SGCD: variants seen among roughly 807,000 people sequenced by gnomAD.
SGCD encodes the protein sarcoglycan delta.
Under a neutral mutation model 36.6 loss-of-function variants are expected in SGCD, and 18 were observed. The ratio of observed to expected loss-of-function variants is 0.49; its 90% CI spans 0.34 to 0.73. The LOEUF (loss-of-function observed/expected upper bound fraction) is 0.73, where lower values mean the gene tolerates loss of function less well. SGCD is among the 30% of genes least tolerant of loss of function. SGCD has a pLI of 0.01. For synonymous variants in SGCD, 133 were observed against 130.6 expected (o/e 1.02, Z -0.12); for missense variants, 387 against 346.7 (o/e 1.12, Z -0.92).
chr5:156,695,080 G>A (rs768337072), intron 7 of SGCD, among the ~76,000 whole-genome samples: 8 of 151,800 alleles, frequency 5.3e-5, no homozygotes, highest in Non-Finnish European at 1.0e-4. Flanking sequence ...AGAGGGGAGA[G>A]TGCCATGTTC....
At chr5:156,083,703 TAC>T (rs1405035703) in intron 1 of SGCD, among the ~76,000 whole-genome samples, 3 of 152,092 alleles carry the variant, frequency 2.0e-5, no homozygotes, top group Admixed American at 2.0e-4. Flanking sequence ...CTAAAAATTT[TAC>T]AGTTTATATT....
At chr5:156,562,893 CT>C (rs1310473949) in intron 4 of SGCD, among the ~76,000 whole-genome samples, 1 of 151,348 alleles carries the variant, frequency 6.6e-6, no homozygotes, top group Non-Finnish European at 1.5e-5. Flanking sequence ...TTTAAATTAC[CT>C]TCCATTTTTT....
intron 4 of SGCD, among the ~76,000 whole-genome samples, chr5:156,564,197 C>A (rs1157747264): frequency 2.0e-5 from 3 of 152,186 alleles, no homozygotes; most frequent in African/African-American, 4.8e-5. Flanking sequence ...TGCCTGTAAT[C>A]CCAGCACTTT....
At chr5:156,707,585 T>C (rs1053178902) in intron 7 of SGCD, among the ~76,000 whole-genome samples, 3 of 152,174 alleles carry the variant, frequency 2.0e-5, no homozygotes, top group African/African-American at 7.2e-5. Context: ...TCCTTGTTTA[T>C]GAAAACTAGT....
chr5:156,486,675 G>A (rs1755677501), intron 3 of SGCD, among the ~76,000 whole-genome samples: 1 of 152,152 alleles, frequency 6.6e-6, no homozygotes, highest in Non-Finnish European at 1.5e-5. Context: ...GAATAGACCT[G>A]TCCCACCTGC....
At chr5:156,206,137 T>G (rs1764272833) in intron 3 of SGCD, among the ~76,000 whole-genome samples, 1 of 151,596 alleles carries the variant, frequency 6.6e-6, no homozygotes, top group Admixed American at 6.6e-5. Flanking sequence ...TTTTATACCT[T>G]GGTGTTTTTA....
At chr5:156,621,380 A>T (rs1048474171) in intron 6 of SGCD, among the ~76,000 whole-genome samples, 3 of 152,056 alleles carry the variant, frequency 2.0e-5, no homozygotes, top group Admixed American at 1.3e-4. Flanking sequence ...TTTAGTAGAG[A>T]CGGGGTTTCA....
At chr5:155,869,240 G>T (rs931395612), upstream of SGCD, among the ~76,000 whole-genome samples, 3 of 152,112 alleles carry the variant, frequency 2.0e-5, no homozygotes, top group Non-Finnish European at 4.4e-5. Context: ...AGCCCTGCTT[G>T]TTGTTTCTGG....
intron 3 of SGCD, among the ~76,000 whole-genome samples, chr5:156,217,206 C>G (rs570660002): frequency 1.1e-4 from 17 of 152,246 alleles, no homozygotes; most frequent in Admixed American, 4.6e-4. Flanking sequence ...AAACATTGAC[C>G]TCACTGAAAG....
At chr5:156,175,470 C>T (rs1763444108) in intron 3 of SGCD, among the ~76,000 whole-genome samples, 1 of 152,064 alleles carries the variant, frequency 6.6e-6, no homozygotes, top group African/African-American at 2.4e-5. Context: ...CCATATTTTA[C>T]CTCTTAGTCT....
Position 156,633,781 on chromosome 5 carries a change from T to C in SGCD, c.503-13683T>C, listed in dbSNP as rs113013884. On this transcript the variant is annotated intron_variant, in intron 6 of 8. Coordinates refer to ENST00000337851, the MANE Select transcript of SGCD (RefSeq NM_000337.6). ...GGGTCGTTCAAGAATTGACAAAGCGTACATGGTGTCAAGAAAACGTGGGCA... is the reference window on the plus strand; with the variant it reads ...GGGTCGTTCAAGAATTGACAAAGCGCACATGGTGTCAAGAAAACGTGGGCA... 4.8e-3 allele frequency among the ~76,000 whole-genome samples: 738 copies of C among 152,310 alleles called. 5 individuals carry two copies. Among genetic ancestry groups the C allele is most frequent in the African/African-American group, 0.017 (690 of 41,566 alleles).
At chr5:156,707,308 A>C (rs560657065) in intron 7 of SGCD, among the ~76,000 whole-genome samples, 1 of 152,358 alleles carries the variant, frequency 6.6e-6, no homozygotes, top group East Asian at 1.9e-4. Flanking sequence ...AACTGGATTC[A>C]TGCCTATTCT....
rs1758374390 is a variant in SGCD, at chr5:155,988,434, ATC to A, written c.-282+118012_-282+118013del. Among the ~76,000 whole-genome samples, 6 of 152,176 alleles carry A rather than the reference ATC, an allele frequency of 3.9e-5. No individual in the cohort carries two copies. The South Asian group carries it at 1.2e-3, about 31-fold the overall frequency. ...AGTGTCAGGGAGAACTGGAAATTGT[ATC>A]TGTCACTTGAGCCTAGGCACAGACC... On this transcript the variant is annotated intron_variant, in intron 1 of 9. Coordinates refer to the SGCD transcript ENST00000517913.
chr5:156,539,409 C>G (rs1018183688), intron 4 of SGCD, among the ~76,000 whole-genome samples: 2 of 151,448 alleles, frequency 1.3e-5, no homozygotes, highest in Non-Finnish European at 2.9e-5. Flanking sequence ...TCCCTCACCC[C>G]CTTCCATCCT....
At chr5:155,755,174 A>G in the SGCD span, among the ~76,000 whole-genome samples, 1 of 152,192 alleles carries the variant, frequency 6.6e-6, no homozygotes, top group Admixed American at 6.5e-5. Flanking sequence ...ATGGAGAAAT[A>G]TTATTAACTT....
intron 1 of SGCD, among the ~76,000 whole-genome samples, chr5:156,073,996 C>G (rs1581081105): frequency 6.6e-6 from 1 of 152,040 alleles, no homozygotes; most frequent in Non-Finnish European, 1.5e-5. Context: ...GAGTAAGATT[C>G]AAGTAAATGA....
intron 7 of SGCD, among the ~76,000 whole-genome samples, chr5:156,667,420 T>A (rs1318084778): frequency 6.6e-6 from 1 of 152,166 alleles, no homozygotes. Context: ...TCCTCTCTAC[T>A]TCTCTCCCTT....
chr5:156,361,099 T>C (rs1347000369), intron 3 of SGCD, among the ~76,000 whole-genome samples: 1 of 152,210 alleles, frequency 6.6e-6, no homozygotes, highest in Non-Finnish European at 1.5e-5. Flanking sequence ...TGGGTGCTGC[T>C]GCAGGCCCCA....
chr5:155,737,686 G>A, the SGCD span, among the ~76,000 whole-genome samples: 1 of 151,414 alleles, frequency 6.6e-6, no homozygotes, highest in African/African-American at 2.4e-5. Flanking sequence ...GTAGAACTCA[G>A]GCTCATGACA....
Sources: gnomAD v4.1 joint callset for allele counts (sites outside exome capture counted in the v4.1 genomes callset) on GRCh38, gnomAD v4.1.1 for gene constraint, MANE v1.5 for transcripts, NCBI Gene and HGNC (gene_info 2026-07-23, HGNC 2026-07-21) for gene names.